GRIK4: variants seen among roughly 807,000 people sequenced by gnomAD.
The protein encoded by GRIK4 is glutamate receptor ionotropic, kainate 4.
In GRIK4, 40 loss-of-function variants were observed where a neutral mutation model predicts 104.9. The ratio of observed to expected loss-of-function variants is 0.38; its 90% CI spans 0.30 to 0.50. GRIK4 has a LOEUF of 0.50. GRIK4 is among the 20% of genes least tolerant of loss of function. The pLI is 0.93. For missense variants in GRIK4, 1,047 were observed against 1,308.1 expected, an observed-to-expected ratio of 0.80 and a Z score of 3.08; for synonymous variants, 485 against 524.9, an observed-to-expected ratio of 0.92 and a Z score of 1.04.
intron 4 of GRIK4, among the ~76,000 whole-genome samples, chr11:120,815,104 T>C (rs1193534035): frequency 6.6e-6 from 1 of 152,262 alleles, no homozygotes; most frequent in Non-Finnish European, 1.5e-5. Flanking sequence ...GTCCAGACAA[T>C]TTATACACCC....
intron 1 of GRIK4, among the ~76,000 whole-genome samples, chr11:120,564,099 G>A (rs547021140): frequency 2.0e-3 from 305 of 152,340 alleles, no homozygotes; most frequent in South Asian, 3.9e-3. Flanking sequence ...GTGGCTGGTG[G>A]CCTGAGGAAG....
chr11:120,658,297 G>T (rs1030232167), intron 2 of GRIK4, among the ~76,000 whole-genome samples: 2 of 152,098 alleles, frequency 1.3e-5, no homozygotes, highest in African/African-American at 4.8e-5. Context: ...GGACATTTGG[G>T]TGGTTTCCAG....
intron 3 of GRIK4, among the ~76,000 whole-genome samples, chr11:120,661,227 G>A (rs148463264): frequency 6.6e-6 from 1 of 152,140 alleles, no homozygotes; most frequent in Admixed American, 6.5e-5. Flanking sequence ...GGGGATCAGG[G>A]GTGTCTATGT....
intron 3 of GRIK4, among the ~76,000 whole-genome samples, chr11:120,732,120 T>G (rs1050016115): frequency 1.3e-5 from 2 of 151,962 alleles, no homozygotes; most frequent in Admixed American, 6.6e-5. Context: ...CTTGTTTTTG[T>G]TTTGTTTTGT....
intron 3 of GRIK4, among the ~76,000 whole-genome samples, chr11:120,688,337 G>A (rs1591805613): frequency 6.6e-6 from 1 of 152,204 alleles, no homozygotes; most frequent in East Asian, 1.9e-4. Context: ...GAGGAAGTCA[G>A]ATGCTTACTA....
intron 11 of GRIK4, among the ~76,000 whole-genome samples, chr11:120,891,596 C>T (rs372106266): frequency 2.0e-5 from 3 of 152,152 alleles, no homozygotes; most frequent in Admixed American, 1.3e-4. Flanking sequence ...TCACTTAACT[C>T]GATTTTATTG....
intron 1 of GRIK4, among the ~76,000 whole-genome samples, chr11:120,550,389 G>C (rs1315501848): frequency 2.0e-5 from 3 of 151,874 alleles, no homozygotes; most frequent in Admixed American, 1.3e-4. Flanking sequence ...CCTTTGAGCC[G>C]ATGCTGATTA....
intron 3 of GRIK4, among the ~76,000 whole-genome samples, chr11:120,795,870 G>A (rs902868693): frequency 1.3e-5 from 2 of 152,090 alleles, no homozygotes; most frequent in African/African-American, 4.8e-5. Flanking sequence ...AAAATGCGTA[G>A]TATTTGCATA....
intron 12 of GRIK4, among the ~76,000 whole-genome samples, chr11:120,900,015 A>G (rs756394839): frequency 3.3e-5 from 5 of 152,232 alleles, no homozygotes; most frequent in Non-Finnish European, 4.4e-5. Flanking sequence ...GGCTGAAATG[A>G]TTGATCTACT....
intron 1 of GRIK4, among the ~76,000 whole-genome samples, chr11:120,599,100 G>C (rs957291067): frequency 1.3e-5 from 2 of 152,202 alleles, no homozygotes; most frequent in Non-Finnish European, 2.9e-5. Context: ...GTGTGGAGAG[G>C]GGGCTTACTG....
At position 120,902,563 on chromosome 11, in the gene GRIK4, T is replaced by C. The variant is rs552064970; in HGVS notation, c.1273-2727T>C. ...CAGCCATGCCCTGTCCAGGAAGCCA[T>C]TTGTTTGCTTCTTACTCACATGATC... On this transcript the variant is annotated intron_variant, in intron 12 of 20. Coordinates refer to ENST00000527524, the MANE Select transcript of GRIK4 (RefSeq NM_014619.5). This position sits in a 1 kb window ranked among gnomAD's most constrained non-coding sequence, Gnocchi z 4.5. Among the ~76,000 whole-genome samples the C allele has an allele frequency of 6.6e-6, 1 of 152,206 alleles. No homozygotes were observed. Among genetic ancestry groups the C allele is most frequent in the Non-Finnish European group, 1.5e-5 (1 of 68,002 alleles).
At chr11:120,700,481 G>A (rs901795643) in intron 3 of GRIK4, among the ~76,000 whole-genome samples, 1 of 150,298 alleles carries the variant, frequency 6.7e-6, no homozygotes, top group South Asian at 2.1e-4. Flanking sequence ...TTTTTTGAGA[G>A]AGAGTCTTGC....
In GRIK4 at chr11:120,898,633, C is replaced by T. The variant is rs779269652; in HGVS notation, c.1266C>T (p.Thr422=). 7 of 1,593,026 alleles carry T rather than the reference C, an allele frequency of 4.4e-6. No individual in the cohort carries two copies. Among genetic ancestry groups the T allele is most frequent in the Non-Finnish European group, 6.0e-6 (7 of 1,160,760 alleles). ...TLFNTTLVVT[T]ILENPYLMLK... is the part of the protein sequence containing the mutation. ...TCAACACCACCCTGGTCGTCACCAC[C>T]ATCCTGGTAAGTGGGCTCTCCTAGG... is the stretch of plus-strand genomic sequence containing the variant. The change falls in exon 12 of 21, where the codon ACC becomes ACT. Residue 422 remains threonine, a synonymous_variant. Transcript: ENST00000527524.
At chr11:120,585,040 G>A (rs1393490607) in intron 1 of GRIK4, among the ~76,000 whole-genome samples, 1 of 152,168 alleles carries the variant, frequency 6.6e-6, no homozygotes, top group Non-Finnish European at 1.5e-5. Context: ...TTGTGTCTGT[G>A]CCAGGTTTTG....
At chr11:120,515,568 G>A (rs917359764) in intron 1 of GRIK4, among the ~76,000 whole-genome samples, 1 of 152,192 alleles carries the variant, frequency 6.6e-6, no homozygotes, top group African/African-American at 2.4e-5. Flanking sequence ...CCTGGTATTG[G>A]TAATCGTCTG....
At position 120,956,933 on chromosome 11, in the gene GRIK4, C is replaced by T; in HGVS notation, c.1854C>T (p.Thr618=). The change falls in exon 16 of 21, where the codon ACC becomes ACT. Residue 618 remains threonine, a synonymous_variant. Coordinates refer to ENST00000527524, the MANE Select transcript of GRIK4 (RefSeq NM_014619.5). The surrounding 1 kb of genome is among the most constrained non-coding windows in gnomAD (Gnocchi z 4.6). ...GSTIAPRALS[T]RCVSGVWWAF... is the part of the protein sequence containing the mutation. ...CCATCGCCCCTCGCGCCTTATCCAC[C>T]CGCTGTGTCAGTGGCGTCTGGTAAG... 6.2e-7 allele frequency: 1 copy of T among 1,611,122 alleles called. No individual in the cohort carries two copies. The highest frequency in any genetic ancestry group is 8.5e-7 in the Non-Finnish European group (1 of 1,178,556).
chr11:120,773,410 TAAC>T (rs1468561717), intron 3 of GRIK4, among the ~76,000 whole-genome samples: 3 of 152,180 alleles, frequency 2.0e-5, no homozygotes, highest in African/African-American at 7.2e-5. Flanking sequence ...TAAAATGTAA[TAAC>T]AAACATTTTT....
chr11:120,888,548 G>A (rs1955184774), intron 11 of GRIK4, among the ~76,000 whole-genome samples: 1 of 152,154 alleles, frequency 6.6e-6, no homozygotes, highest in Non-Finnish European at 1.5e-5. Context: ...CCAGGACTAG[G>A]AGTTCATTGA....
intron 9 of GRIK4, among the ~76,000 whole-genome samples, chr11:120,864,345 A>G (rs1302625523): frequency 1.3e-5 from 2 of 151,742 alleles, no homozygotes; most frequent in Non-Finnish European, 1.5e-5. Context: ...GGTTCACGCC[A>G]TTCTCCTGCC....
Sources: allele counts gnomAD v4.1 joint callset (sites outside exome capture counted in the v4.1 genomes callset), GRCh38; gene constraint gnomAD v4.1.1; non-coding constraint Gnocchi (gnomAD v3.1); transcripts MANE v1.5; gene names NCBI Gene and HGNC (gene_info 2026-07-23, HGNC 2026-07-21).